GRIP1: variants seen among roughly 807,000 people sequenced by gnomAD.
GRIP1 encodes glutamate receptor-interacting protein 1.
A neutral mutation model predicts 129.9 loss-of-function variants in GRIP1; 45 were observed. The observed-to-expected ratio is 0.35, with a 90% confidence interval of 0.27 to 0.44. GRIP1 has a LOEUF of 0.44. Ranked by LOEUF, GRIP1 falls within the 20% of genes least tolerant of loss-of-function variation. The pLI is 1.00. For synonymous variants in GRIP1, 530 were observed against 520.8 expected, an observed-to-expected ratio of 1.02 and a Z score of -0.24; for missense variants, 1,196 against 1,396.8, an observed-to-expected ratio of 0.86 and a Z score of 2.29.
intron 23 of GRIP1, among the ~76,000 whole-genome samples, chr12:66,363,244 C>CT (rs1288493037): frequency 1.9e-4 from 18 of 94,186 alleles, no homozygotes; most frequent in East Asian, 1.2e-3. Flanking sequence ...TTCTGTATCT[C>CT]TTTTTTTTTT....
At chr12:66,707,525 A>G (rs1489314793) in intron 1 of GRIP1, among the ~76,000 whole-genome samples, 1 of 151,250 alleles carries the variant, frequency 6.6e-6, no homozygotes, top group African/African-American at 2.4e-5. Flanking sequence ...AAAAAAAAAA[A>G]AAGATGTGGA....
chr12:67,016,543 C>T (rs987262324), intron 1 of GRIP1, among the ~76,000 whole-genome samples: 1 of 152,018 alleles, frequency 6.6e-6, no homozygotes, highest in Non-Finnish European at 1.5e-5. Flanking sequence ...GCTCAGCAGT[C>T]GACGGAAATG....
At chr12:66,396,804 G>C (rs1262965958) in intron 16 of GRIP1, among the ~76,000 whole-genome samples, 2 of 152,124 alleles carry the variant, frequency 1.3e-5, no homozygotes, top group Non-Finnish European at 2.9e-5. Context: ...TAAATTGCCA[G>C]AAACACAAAA....
At chr12:66,733,727 T>A (rs1202295631) in intron 1 of GRIP1, among the ~76,000 whole-genome samples, 1 of 152,158 alleles carries the variant, frequency 6.6e-6, no homozygotes, top group East Asian at 1.9e-4. Flanking sequence ...GTGTACAATA[T>A]CTAACCCATC....
intron 1 of GRIP1, among the ~76,000 whole-genome samples, chr12:66,771,022 GGC>G (rs1343818397): frequency 1.3e-5 from 2 of 152,132 alleles, no homozygotes; most frequent in East Asian, 3.9e-4. Context: ...GAACCCAGGA[GGC>G]GGAAATTGCA....
chr12:67,059,425 A>G (rs2043493814), intron 1 of GRIP1, among the ~76,000 whole-genome samples: 2 of 152,252 alleles, frequency 1.3e-5, no homozygotes, highest in South Asian at 4.1e-4. Flanking sequence ...TGCCAAGTCC[A>G]GAGCAGTAGA....
At chr12:66,782,401 G>C (rs1322580652) in intron 1 of GRIP1, among the ~76,000 whole-genome samples, 1 of 152,136 alleles carries the variant, frequency 6.6e-6, no homozygotes, top group Non-Finnish European at 1.5e-5. Context: ...TGGAACTGGA[G>C]GCAATGAAGT....
intron 13 of GRIP1, among the ~76,000 whole-genome samples, chr12:66,434,423 G>T (rs936725212): frequency 6.6e-6 from 1 of 152,182 alleles, no homozygotes; most frequent in Non-Finnish European, 1.5e-5. Flanking sequence ...ACTCTCATGG[G>T]CCAGGAAGTG....
At chr12:67,023,255 G>A (rs2042894107) in intron 1 of GRIP1, among the ~76,000 whole-genome samples, 2 of 152,218 alleles carry the variant, frequency 1.3e-5, no homozygotes, top group Admixed American at 1.3e-4. Flanking sequence ...AATTATTACA[G>A]TTTTAGATTT....
At chr12:66,708,227 T>C (rs2035599716) in intron 1 of GRIP1, among the ~76,000 whole-genome samples, 1 of 151,950 alleles carries the variant, frequency 6.6e-6, no homozygotes, top group Non-Finnish European at 1.5e-5. Context: ...ATGAGGTTGC[T>C]CATAATGCTT....
At chr12:66,658,518 T>C (rs1303928373) in intron 1 of GRIP1, among the ~76,000 whole-genome samples, 5 of 151,738 alleles carry the variant, frequency 3.3e-5, no homozygotes, top group African/African-American at 1.2e-4. Context: ...GAGGTGGAGC[T>C]TGTAGTGAGC....
chr12:66,365,565 T>C (rs2055088826), intron 23 of GRIP1, among the ~76,000 whole-genome samples: 1 of 152,232 alleles, frequency 6.6e-6, no homozygotes, highest in South Asian at 2.1e-4. Context: ...ATTATTTATT[T>C]AAAGCATACA....
At chr12:66,594,748 T>C (rs2063981614) in intron 2 of GRIP1, among the ~76,000 whole-genome samples, 1 of 152,218 alleles carries the variant, frequency 6.6e-6, no homozygotes, top group Admixed American at 6.5e-5. Flanking sequence ...CTCTCTCTCA[T>C]GGACTTAGTG....
intron 15 of GRIP1, among the ~76,000 whole-genome samples, chr12:66,416,111 TA>T (rs2057593156): frequency 6.6e-6 from 1 of 151,702 alleles, no homozygotes; most frequent in Admixed American, 6.6e-5. Flanking sequence ...ACGAATTTTG[TA>T]AACTATGCAG....
At chr12:66,372,007 T>A (rs1304955096) in intron 22 of GRIP1, 80 bp from the exon 23 acceptor site, 2 of 918,178 alleles carry the variant, frequency 2.2e-6, no homozygotes, top group East Asian at 4.9e-5. Flanking sequence ...AGCACATTTC[T>A]CCTTCTGCGA....
chr12:66,353,327 G>T, intron 24 of GRIP1, 90 bp downstream of exon 24: 1 of 913,566 alleles, frequency 1.1e-6, no homozygotes, highest in Non-Finnish European at 1.8e-6. Flanking sequence ...AGGGAAAAGA[G>T]CAAAGGGCCC....
chr12:66,874,029 G>A (rs1445527377), intron 1 of GRIP1, among the ~76,000 whole-genome samples: 3 of 152,070 alleles, frequency 2.0e-5, no homozygotes, highest in Non-Finnish European at 4.4e-5. Context: ...ATTCTTGAAG[G>A]ACATCTGTCT....
chr12:66,662,993 A>T (rs1296971833), intron 1 of GRIP1, among the ~76,000 whole-genome samples: 3 of 152,222 alleles, frequency 2.0e-5, no homozygotes, highest in African/African-American at 4.8e-5. Context: ...TACTGCTGTC[A>T]GAATCAGTTT....
chr12:67,052,066 C>T lies in GRIP1; in HGVS notation c.58+16984G>A, dbSNP rs1253049818. On this transcript the variant is annotated intron_variant, in intron 1 of 1. Transcript: ENST00000643019. Reference sequence around the variant, plus strand: ...GGAGGCATATTCTTTAAAATCAATCCTTTATCCAGGTATGTATTATTCTAT... The same window carrying T: ...GGAGGCATATTCTTTAAAATCAATCTTTTATCCAGGTATGTATTATTCTAT... 3.9e-5 allele frequency among the ~76,000 whole-genome samples: 6 copies of T among 152,140 alleles called. 2 individuals are homozygous for T. Among genetic ancestry groups the T allele is most frequent in the Admixed American group, 3.3e-4 (5 of 15,270 alleles).
Sources: allele counts gnomAD v4.1 joint callset (sites outside exome capture counted in the v4.1 genomes callset), GRCh38; gene constraint gnomAD v4.1.1; transcripts MANE v1.5; gene names NCBI Gene and HGNC (gene_info 2026-07-23, HGNC 2026-07-21).